OXR1: variants seen among roughly 807,000 people sequenced by gnomAD.
OXR1 encodes oxidation resistance 1.
OXR1 carries 41 observed loss-of-function variants against 104.6 expected under a neutral mutation model. The ratio of observed to expected loss-of-function variants is 0.39; its 90% CI spans 0.31 to 0.51. The LOEUF is 0.51. Among genes scored for constraint, OXR1 ranks in the 20% least tolerant of loss-of-function variants. The pLI, the probability that OXR1 is intolerant of heterozygous loss-of-function variation, is 0.77. For missense variants in OXR1, 955 were observed against 1,031.9 expected, an observed-to-expected ratio of 0.93 and a Z score of 1.02; for synonymous variants, 348 against 348.4, an observed-to-expected ratio of 1.00 and a Z score of 0.01.
chr8:106,698,035 C>T (rs1399012167), intron 7 of OXR1: 25 of 1,575,946 alleles, frequency 1.6e-5, no homozygotes, highest in South Asian at 2.2e-5. Flanking sequence ...GCGGTGGCTG[C>T]GGGGAGCGTT....
intron 2 of OXR1, among the ~76,000 whole-genome samples, chr8:106,363,222 C>A (rs960016439): frequency 6.6e-6 from 1 of 152,170 alleles, no homozygotes; most frequent in Non-Finnish European, 1.5e-5. Context: ...AATGACTGCT[C>A]TTTTTGGAGC....
intron 2 of OXR1, among the ~76,000 whole-genome samples, chr8:106,376,133 A>T (rs1816898582): frequency 6.6e-6 from 1 of 152,186 alleles, no homozygotes; most frequent in African/African-American, 2.4e-5. Context: ...TTTACTGGTC[A>T]CTGAGGAGTT....
At chr8:106,668,841 G>A (rs1362081299) in intron 3 of OXR1, among the ~76,000 whole-genome samples, 1 of 152,116 alleles carries the variant, frequency 6.6e-6, no homozygotes, top group Non-Finnish European at 1.5e-5. Context: ...CAGTCTGCAG[G>A]TCTTTGATCT....
intron 10 of OXR1, 23 bp from the exon 11 acceptor site, chr8:106,713,800 T>C: frequency 6.9e-7 from 1 of 1,457,716 alleles, no homozygotes; most frequent in East Asian, 2.6e-5. Context: ...ACTAGGTATA[T>C]TAATAGTCAC....
chr8:106,695,920 C>T (rs1052494346), intron 7 of OXR1, among the ~76,000 whole-genome samples: 1 of 151,990 alleles, frequency 6.6e-6, no homozygotes, highest in African/African-American at 2.4e-5. Flanking sequence ...CCCCAGTTTC[C>T]CTTATTAACA....
chr8:106,322,981 G>A (rs1312926957), intron 1 of OXR1, among the ~76,000 whole-genome samples: 1 of 151,986 alleles, frequency 6.6e-6, no homozygotes, highest in Non-Finnish European at 1.5e-5. Context: ...TATAGATTCA[G>A]TGCTATTCCT....
chr8:106,650,390 T>A (rs1824464185), intron 3 of OXR1, among the ~76,000 whole-genome samples: 2 of 152,168 alleles, frequency 1.3e-5, no homozygotes, highest in Admixed American at 6.5e-5. Context: ...GCCTTAGGTA[T>A]ACTGACTGCA....
At chr8:106,320,023 C>T (rs1023738272) in intron 1 of OXR1, among the ~76,000 whole-genome samples, 5 of 152,096 alleles carry the variant, frequency 3.3e-5, no homozygotes, top group Non-Finnish European at 7.4e-5. Context: ...ACCCCTTTGC[C>T]GAGAAATTGT....
chr8:106,733,551 TAC>T (rs1169820463), intron 11 of OXR1, among the ~76,000 whole-genome samples: 1 of 152,206 alleles, frequency 6.6e-6, no homozygotes, highest in East Asian at 1.9e-4. Flanking sequence ...ATCTCAGTTA[TAC>T]TTTTTTAAAA....
chr8:106,684,875 T>C (rs1382349372), intron 6 of OXR1, among the ~76,000 whole-genome samples: 1 of 152,216 alleles, frequency 6.6e-6, no homozygotes. Context: ...CAAATGAACT[T>C]CAGGGAACTA....
rs565346848 is a variant in OXR1 at position 106,365,354 on chromosome 8, C to T, written c.23+5718C>T. 3.4e-5 allele frequency among the ~76,000 whole-genome samples: 5 copies of T among 148,572 alleles called. No homozygotes were observed. In the East Asian group the frequency reaches 1.0e-3, roughly 30 times the overall value. On this transcript the variant is annotated intron_variant, in intron 2 of 16. Transcript: ENST00000517566. The stretch of plus-strand genomic sequence containing the variant: ...CTTCCTGTTAAGTGGAAATGGTCAG[C>T]TTGTAAAGGAGTAGAGACAGAGTAG...
intron 2 of OXR1, among the ~76,000 whole-genome samples, chr8:106,380,919 A>G (rs1817121241): frequency 1.3e-5 from 2 of 152,358 alleles, no homozygotes; most frequent in Non-Finnish European, 2.9e-5. Flanking sequence ...GTCAAATATG[A>G]TTCCTGTGAA....
intron 2 of OXR1, among the ~76,000 whole-genome samples, chr8:106,416,291 T>A (rs1321671295): frequency 6.6e-6 from 1 of 152,108 alleles, no homozygotes; most frequent in African/African-American, 2.4e-5. Context: ...GTAATAAATC[T>A]GGTTTAACAC....
chr8:106,319,292 T>C (rs1814113748), intron 1 of OXR1, among the ~76,000 whole-genome samples: 1 of 152,178 alleles, frequency 6.6e-6, no homozygotes, highest in Non-Finnish European at 1.5e-5. Flanking sequence ...TCTTCCCTCT[T>C]TGCCGCAGAG....
At position 106,557,467 on chromosome 8, in the gene OXR1, T is replaced by G. The variant is rs192147758; in HGVS notation, c.220+38328T>G. 2.0e-5 allele frequency among the ~76,000 whole-genome samples: 3 copies of G among 152,314 alleles called. No individual in the cohort carries two copies. The East Asian group carries it at 5.8e-4, about 29-fold the overall frequency. On this transcript the variant is annotated intron_variant, in intron 3 of 16. Coordinates refer to ENST00000517566, the MANE Select transcript of OXR1 (RefSeq NM_001198533.2). ...GGCAACTCAGGTGAGTAGCATTTCC[T>G]AAGCTTGTATATCTGAGCTACAAAA...
At chr8:106,346,104 C>G (rs561528631) in intron 1 of OXR1, among the ~76,000 whole-genome samples, 1 of 150,688 alleles carries the variant, frequency 6.6e-6, no homozygotes, top group East Asian at 2.0e-4. Context: ...TTCCACCCCC[C>G]CTACCGCCGC....
chr8:106,735,318 T>C (rs924872277), intron 11 of OXR1, among the ~76,000 whole-genome samples: 1 of 152,010 alleles, frequency 6.6e-6, no homozygotes, highest in Non-Finnish European at 1.5e-5. Flanking sequence ...AAAAATATAA[T>C]TGAAAAAAAT....
At chr8:106,312,903 A>G (rs954210021) in intron 1 of OXR1, among the ~76,000 whole-genome samples, 4 of 152,204 alleles carry the variant, frequency 2.6e-5, no homozygotes, top group Admixed American at 1.3e-4. Context: ...TGGGTAGGCC[A>G]GGAATCAGAT....
At chr8:106,555,344 C>T (rs959534608) in intron 3 of OXR1, among the ~76,000 whole-genome samples, 1 of 152,050 alleles carries the variant, frequency 6.6e-6, no homozygotes, top group African/African-American at 2.4e-5. Context: ...TGTAGAGGCT[C>T]CCACTAAAAA....
Sources: gnomAD v4.1 joint callset for allele counts (sites outside exome capture counted in the v4.1 genomes callset) on GRCh38, gnomAD v4.1.1 for gene constraint, MANE v1.5 for transcripts, NCBI Gene and HGNC (gene_info 2026-07-23, HGNC 2026-07-21) for gene names.